The following CDH12 variants were observed in gnomAD, a reference collection of about 807,000 sequenced individuals.
CDH12 encodes the protein cadherin-12.
A neutral mutation model predicts 74.1 loss-of-function variants in CDH12; 41 were observed. That is an observed-to-expected ratio of 0.55 (90% CI 0.43 to 0.72). CDH12 has a LOEUF of 0.72. CDH12 is among the 30% of genes least tolerant of loss of function. The pLI, the probability that CDH12 is intolerant of heterozygous loss-of-function variation, is 0.00. For synonymous variants in CDH12, 399 were observed against 355.0 expected, an observed-to-expected ratio of 1.12 and a Z score of -1.39; for missense variants, 945 against 977.2, an observed-to-expected ratio of 0.97 and a Z score of 0.44.
intron 4 of CDH12, among the ~76,000 whole-genome samples, chr5:22,105,562 G>A (rs1283430111): frequency 1.3e-5 from 2 of 151,566 alleles, no homozygotes; most frequent in Admixed American, 1.3e-4. Flanking sequence ...GCCAGGTGTG[G>A]TGTTCTGCAC....
intron 8 of CDH12, among the ~76,000 whole-genome samples, chr5:21,836,763 G>T (rs1749557847): frequency 1.3e-5 from 2 of 151,840 alleles, no homozygotes; most frequent in South Asian, 4.1e-4. Flanking sequence ...GCACTTTTCT[G>T]TAGCTTATTT....
intron 1 of CDH12, among the ~76,000 whole-genome samples, chr5:22,724,145 T>A (rs1362784894): frequency 6.6e-6 from 1 of 151,936 alleles, no homozygotes; most frequent in Non-Finnish European, 1.5e-5. Flanking sequence ...AGTTTAGAAT[T>A]ATCTATCATT....
intron 6 of CDH12, among the ~76,000 whole-genome samples, chr5:21,860,984 A>G (rs1355300981): frequency 6.6e-6 from 1 of 152,054 alleles, no homozygotes; most frequent in African/African-American, 2.4e-5. Flanking sequence ...AAACCCTAAT[A>G]CACCACAATT....
chr5:22,197,285 A>C (rs1355890592), intron 4 of CDH12, among the ~76,000 whole-genome samples: 3 of 151,640 alleles, frequency 2.0e-5, no homozygotes, highest in East Asian at 2.0e-4. Context: ...TCTACTAAAA[A>C]TACAAAAAAA....
At chr5:22,511,441 G>GA (rs377329788) in intron 1 of CDH12, among the ~76,000 whole-genome samples, 3 of 151,386 alleles carry the variant, frequency 2.0e-5, no homozygotes, top group Non-Finnish European at 4.4e-5. Flanking sequence ...TTTACAAAAA[G>GA]AAAAAAACAG....
intron 5 of CDH12, among the ~76,000 whole-genome samples, chr5:21,999,313 G>A (rs560868637): frequency 1.3e-5 from 2 of 152,214 alleles, no homozygotes; most frequent in East Asian, 1.9e-4. Context: ...AGGCAAACAT[G>A]AGACCATCTC....
rs547600105 is a variant in CDH12, at chr5:22,458,918, T to A, written c.-428+46352A>T. ...GTTTTGTTTTGGGTTTTTTCTTTTTTTTTGGCCTATTAAAACCTCTTTTTC... is the reference window on the plus strand; with the variant it reads ...GTTTTGTTTTGGGTTTTTTCTTTTTATTTGGCCTATTAAAACCTCTTTTTC... On this transcript the variant is annotated intron_variant, in intron 2 of 14. Coordinates refer to ENST00000382254, the MANE Select transcript of CDH12 (RefSeq NM_004061.5). Among the ~76,000 whole-genome samples, 3 of 152,316 alleles carry A rather than the reference T, an allele frequency of 2.0e-5. No homozygotes were observed. The South Asian group carries it at 6.2e-4, about 32-fold the overall frequency.
At chr5:22,393,576 A>C (rs577764420) in intron 3 of CDH12, among the ~76,000 whole-genome samples, 2 of 151,956 alleles carry the variant, frequency 1.3e-5, no homozygotes, top group Non-Finnish European at 2.9e-5. Flanking sequence ...GTGGCTTTGA[A>C]ATTTGGTAAC....
At chr5:22,425,153 G>GTGTATA (rs1554039869) in intron 2 of CDH12, among the ~76,000 whole-genome samples, 20 of 88,014 alleles carry the variant, frequency 2.3e-4, no homozygotes, top group East Asian at 3.2e-4. Flanking sequence ...ATGTGTGTGT[G>GTGTATA]TATATATATA....
At chr5:21,877,234 G>A (rs1201516390) in intron 6 of CDH12, among the ~76,000 whole-genome samples, 3 of 151,800 alleles carry the variant, frequency 2.0e-5, no homozygotes, top group Non-Finnish European at 4.4e-5. Context: ...GAAGAGGTGA[G>A]TGTTCTTTTT....
chr5:21,831,002 C>T (rs1748987848), intron 8 of CDH12, among the ~76,000 whole-genome samples: 4 of 151,882 alleles, frequency 2.6e-5, no homozygotes, highest in Admixed American at 2.0e-4. Flanking sequence ...GGCACCACTG[C>T]ACTCCAAGCC....
At chr5:22,753,163 A>C (rs2127038455) in intron 1 of CDH12, among the ~76,000 whole-genome samples, 1 of 152,208 alleles carries the variant, frequency 6.6e-6, no homozygotes, top group East Asian at 2.0e-4. Context: ...AGGCTGTAAG[A>C]CATTAACAAG....
chr5:22,801,350 T>C (rs1350310642), intron 1 of CDH12, among the ~76,000 whole-genome samples: 1 of 152,050 alleles, frequency 6.6e-6, no homozygotes, highest in Non-Finnish European at 1.5e-5. Context: ...AATGCAGCCT[T>C]CATCAGCTAA....
intron 4 of CDH12, among the ~76,000 whole-genome samples, chr5:22,151,148 C>A (rs1395486433): frequency 6.6e-6 from 1 of 152,100 alleles, no homozygotes; most frequent in African/African-American, 2.4e-5. Context: ...ATGTGGAAAC[C>A]AAGGCACAGG....
rs1450856746 is a variant in CDH12, at chr5:22,078,778, C to T, written c.-102G>A. 2.0e-6 allele frequency: 3 copies of T among 1,495,878 alleles called. No individual in the cohort carries two copies. Among genetic ancestry groups the T allele is most frequent in the Non-Finnish European group, 2.7e-6 (3 of 1,128,518 alleles). 92.7% of individuals were successfully genotyped at this position (1,495,878 alleles called of 1,614,324 possible). A position where few individuals can be genotyped will look rare whatever the true frequency, so the allele number is the denominator to read the frequency against. ...GTCTGTGGCCTCCACCACTTAGCTT[C>T]TTGTTTTATTGCAGAAATGATGATG... On this transcript the variant is annotated 5_prime_UTR_variant, in exon 5 of 15. Transcript: ENST00000382254.
intron 1 of CDH12, among the ~76,000 whole-genome samples, chr5:22,704,470 G>A (rs1217650892): frequency 6.6e-6 from 1 of 151,962 alleles, no homozygotes; most frequent in East Asian, 1.9e-4. Flanking sequence ...TAAAATATTA[G>A]GGTTATATCA....
intron 6 of CDH12, among the ~76,000 whole-genome samples, chr5:21,924,099 T>A (rs1377436553): frequency 6.6e-6 from 1 of 152,190 alleles, no homozygotes; most frequent in African/African-American, 2.4e-5. Flanking sequence ...ACTAATGCAA[T>A]TGCTGACTCA....
At chr5:22,043,015 G>A (rs534358166) in intron 5 of CDH12, among the ~76,000 whole-genome samples, 2 of 151,788 alleles carry the variant, frequency 1.3e-5, no homozygotes, top group South Asian at 2.1e-4. Flanking sequence ...GAAATCTACT[G>A]AGCATTTTTA....
chr5:22,619,460 C>A (rs1281249645), intron 1 of CDH12, among the ~76,000 whole-genome samples: 1 of 151,976 alleles, frequency 6.6e-6, no homozygotes, highest in Non-Finnish European at 1.5e-5. Context: ...ATGATATTGT[C>A]TCTGAATTCT....
Sources: gnomAD v4.1 joint callset for allele counts (sites outside exome capture counted in the v4.1 genomes callset) on GRCh38, gnomAD v4.1.1 for gene constraint, MANE v1.5 for transcripts, NCBI Gene and HGNC (gene_info 2026-07-23, HGNC 2026-07-21) for gene names.